Variants in PPP3CB observed in about 807,000 individuals in gnomAD.
The protein encoded by PPP3CB is serine/threonine-protein phosphatase 2B catalytic subunit beta isoform.
A neutral mutation model predicts 66.4 loss-of-function variants in PPP3CB; 8 were observed. The ratio of observed to expected loss-of-function variants is 0.12; its 90% CI spans 0.07 to 0.22. The LOEUF (loss-of-function observed/expected upper bound fraction) is 0.22. Ranked by LOEUF, PPP3CB falls within the 10% of genes least tolerant of loss-of-function variation. The probability of loss-of-function intolerance (pLI) is 1.00; values close to 1 mark genes in which losing one functional copy is unlikely to be tolerated. For synonymous variants in PPP3CB, 208 were observed against 221.2 expected (o/e 0.94, Z 0.53); for missense variants, 319 against 642.5 (o/e 0.50, Z 5.44).
At chr10:73,463,886 C>T (rs1306829238) in intron 9 of PPP3CB, among the ~76,000 whole-genome samples, 1 of 152,088 alleles carries the variant, frequency 6.6e-6, no homozygotes, top group South Asian at 2.1e-4. Context: ...CTGCCTGCCT[C>T]GGCCTCCCAA....
chr10:73,492,442 T>C (rs183373854), intron 1 of PPP3CB, among the ~76,000 whole-genome samples: 1 of 152,192 alleles, frequency 6.6e-6, no homozygotes, highest in South Asian at 2.1e-4. Flanking sequence ...TCAGGTCAAG[T>C]AAACTTTGTG....
intron 12 of PPP3CB, chr10:73,443,779 A>G (rs1437286891): frequency 6.6e-6 from 1 of 152,238 alleles, no homozygotes; most frequent in Admixed American, 6.5e-5. Flanking sequence ...AATGAGCCAG[A>G]TTACAGGAAT....
chr10:73,475,040 A>C lies in PPP3CB; in HGVS notation c.412-10T>G. 1 of 1,604,628 alleles carries C rather than the reference A, an allele frequency of 6.2e-7. No homozygotes were observed. The highest frequency in any genetic ancestry group is 8.5e-7 in the Non-Finnish European group (1 of 1,177,198). ...ATAAATATAAGACACACTGCAAAAG[A>C]AAATTTTTCTAGTGAATTTATCTTG... On this transcript the variant is annotated splice_polypyrimidine_tract_variant and intron_variant, in intron 3 of 13. Coordinates refer to ENST00000360663, the MANE Select transcript of PPP3CB (RefSeq NM_021132.4).
At chr10:73,451,672 A>T (rs2056346423) in intron 10 of PPP3CB, among the ~76,000 whole-genome samples, 1 of 150,184 alleles carries the variant, frequency 6.7e-6, no homozygotes, top group African/African-American at 2.4e-5. Context: ...TGAGAGGCTG[A>T]GGTGGGAGGA....
intron 10 of PPP3CB, among the ~76,000 whole-genome samples, chr10:73,449,503 G>A (rs2056311531): frequency 6.6e-6 from 1 of 152,076 alleles, no homozygotes; most frequent in Non-Finnish European, 1.5e-5. Context: ...TTCCTTTATA[G>A]GAAATGTATT....
chr10:73,491,832 T>G (rs183707493), intron 1 of PPP3CB, among the ~76,000 whole-genome samples: 97 of 152,224 alleles, frequency 6.4e-4, no homozygotes, highest in African/African-American at 2.2e-3. Context: ...CCGGGCGTGG[T>G]GGCACATGCC....
chr10:73,443,286 C>CAGACAGACAGAA (rs1441809416), intron 12 of PPP3CB, among the ~76,000 whole-genome samples: 17 of 115,708 alleles, frequency 1.5e-4, no homozygotes, highest in Non-Finnish European at 2.1e-4. Context: ...GAAAGAAAGA[C>CAGACAGACAGAA]AGAAAGAAAG....
chr10:73,487,564 C>CAAAA (rs746889105), intron 1 of PPP3CB, among the ~76,000 whole-genome samples: 44 of 65,136 alleles, frequency 6.8e-4, no homozygotes, highest in African/African-American at 2.0e-3. Context: ...AAACCAAAAC[C>CAAAA]AAAAAAAAAA....
chr10:73,469,712 C>T lies in PPP3CB; in HGVS notation c.982+975G>A, dbSNP rs145781531. ...TTTTAATCTTTTAACCATCACCTCT[C>T]ATCATCCAAAAAAACTTCCTCTGTT... On this transcript the variant is annotated intron_variant, in intron 8 of 13. Coordinates refer to ENST00000360663, the MANE Select transcript of PPP3CB (RefSeq NM_021132.4). Among the ~76,000 whole-genome samples the T allele has an allele frequency of 6.0e-4, 91 of 152,318 alleles. No homozygotes were observed. The South Asian group carries it at 0.013, about 21-fold the overall frequency.
chr10:73,449,090 T>C (rs1339853965), intron 10 of PPP3CB, among the ~76,000 whole-genome samples: 3 of 152,200 alleles, frequency 2.0e-5, no homozygotes, highest in African/African-American at 7.2e-5. Flanking sequence ...TGTGGAAGTA[T>C]GTTAAGTAAA....
At position 73,479,593 on chromosome 10, in the gene PPP3CB, T is replaced by G. The variant is rs182231760; in HGVS notation, c.86-76A>C. 2,318 of 1,367,188 alleles carry G rather than the reference T, an allele frequency of 1.7e-3. 13 individuals carry two copies. The highest frequency in any genetic ancestry group is 5.1e-3 in the South Asian group (372 of 72,312). 84.7% of individuals were successfully genotyped at this position (1,367,188 alleles called of 1,614,324 possible). ...TTAAAAACTAATAATTGGATCTAGA[T>G]AAGACTAAAAACTGTAAAGCAGGGA... On this transcript the variant is annotated intron_variant, in intron 1 of 13. Transcript: ENST00000360663.
At chr10:73,475,657 G>A (rs80301560) in intron 3 of PPP3CB, among the ~76,000 whole-genome samples, 7,091 of 152,144 alleles carry the variant, frequency 0.047, 507 homozygotes, top group African/African-American at 0.15. Flanking sequence ...CTTACATATG[G>A]TAAGTGCTTA....
chr10:73,474,592 C>G (rs1452093427), intron 4 of PPP3CB, among the ~76,000 whole-genome samples: 1 of 151,404 alleles, frequency 6.6e-6, no homozygotes, highest in Non-Finnish European at 1.5e-5. Context: ...GCCGCCACAC[C>G]CAGCTAATTT....
chr10:73,484,673 A>G (rs1168233684), intron 1 of PPP3CB, among the ~76,000 whole-genome samples: 1 of 152,176 alleles, frequency 6.6e-6, no homozygotes, highest in East Asian at 1.9e-4. Context: ...GCGACAGGGA[A>G]AAACCAGAAA....
intron 12 of PPP3CB, among the ~76,000 whole-genome samples, chr10:73,443,071 G>A (rs2056175381): frequency 6.6e-6 from 1 of 151,338 alleles, no homozygotes. Flanking sequence ...GTGGTGGCAT[G>A]TGCCTATGGT....
At chr10:73,474,427 GAAA>G (rs200185345) in intron 4 of PPP3CB, among the ~76,000 whole-genome samples, 1 of 150,614 alleles carries the variant, frequency 6.6e-6, no homozygotes, top group African/African-American at 2.5e-5. Flanking sequence ...ATTCTGAAAT[GAAA>G]AAAAATTTTT....
chr10:73,470,463 T>C (rs1248140891), intron 8 of PPP3CB, among the ~76,000 whole-genome samples: 2 of 152,220 alleles, frequency 1.3e-5, no homozygotes, highest in Non-Finnish European at 2.9e-5. Flanking sequence ...GAGCACGTTT[T>C]ACAAAATGGC....
intron 1 of PPP3CB, among the ~76,000 whole-genome samples, chr10:73,485,544 A>G (rs750015916): frequency 5.3e-5 from 8 of 152,164 alleles, no homozygotes; most frequent in Non-Finnish European, 1.0e-4. Flanking sequence ...TAATCTCATC[A>G]TGCTTCCCAT....
Position 73,437,112 on chromosome 10 carries a change from G to C in PPP3CB, c.*1130C>G, listed in dbSNP as rs2056082564. Reference sequence around the variant, plus strand: ...CCAAGCAGTTCAGTAACTATCAAAAGAAAGGTTTCAACATGCAGTCTTGAC... The same window carrying C: ...CCAAGCAGTTCAGTAACTATCAAAACAAAGGTTTCAACATGCAGTCTTGAC... On this transcript the variant is annotated 3_prime_UTR_variant, in exon 14 of 14. Coordinates refer to ENST00000360663, the MANE Select transcript of PPP3CB (RefSeq NM_021132.4). 1 of 152,666 alleles carries C rather than the reference G, an allele frequency of 6.6e-6. No homozygotes were observed. Among genetic ancestry groups the C allele is most frequent in the Non-Finnish European group, 1.5e-5 (1 of 68,046 alleles). 9.5% of individuals were successfully genotyped at this position (152,666 alleles called of 1,614,324 possible). A position where few individuals can be genotyped will look rare whatever the true frequency, so the allele number is the denominator to read the frequency against.
Sources: gnomAD v4.1 joint callset for allele counts (sites outside exome capture counted in the v4.1 genomes callset) on GRCh38, gnomAD v4.1.1 for gene constraint, MANE v1.5 for transcripts, NCBI Gene and HGNC (gene_info 2026-07-23, HGNC 2026-07-21) for gene names.